Variants in SHANK2 observed in about 807,000 individuals in gnomAD.
SHANK2 encodes the protein SH3 and multiple ankyrin repeat domains 2.
A neutral mutation model predicts 133.7 loss-of-function variants in SHANK2; 43 were observed. That is an observed-to-expected ratio of 0.32 (90% CI 0.25 to 0.41). SHANK2 has a LOEUF of 0.41. Ranked by LOEUF, SHANK2 falls within the 10% of genes least tolerant of loss-of-function variation. The pLI is 1.00. For missense variants in SHANK2, 1,994 were observed against 2,235.8 expected, an observed-to-expected ratio of 0.89 and a Z score of 2.18; for synonymous variants, 1,017 against 952.8, an observed-to-expected ratio of 1.07 and a Z score of -1.24.
At chr11:70,489,970 A>ACACC in intron 23 of SHANK2, 1 of 194,848 alleles carries the variant, frequency 5.1e-6, no homozygotes, top group Non-Finnish European at 1.1e-5. Flanking sequence ...GGCTCGCACC[A>ACACC]CCCCGCCCAC....
chr11:70,818,475 G>T (rs1555054981), intron 12 of SHANK2, among the ~76,000 whole-genome samples: 1 of 152,146 alleles, frequency 6.6e-6, no homozygotes, highest in Non-Finnish European at 1.5e-5. Flanking sequence ...TCAAGTCCCT[G>T]GCCACGCTGC....
intron 3 of SHANK2, among the ~76,000 whole-genome samples, chr11:71,129,842 G>A (rs1307564454): frequency 1.3e-5 from 2 of 152,172 alleles, no homozygotes; most frequent in Non-Finnish European, 2.9e-5. Flanking sequence ...TGAGTCACTC[G>A]GGCTGCTGTG....
intron 3 of SHANK2, among the ~76,000 whole-genome samples, chr11:71,130,938 A>G (rs1952290292): frequency 6.6e-6 from 1 of 152,234 alleles, no homozygotes; most frequent in Non-Finnish European, 1.5e-5. Flanking sequence ...CACGTCATTC[A>G]TTACAAAGAA....
chr11:70,929,177 G>A (rs1950468766), intron 10 of SHANK2, among the ~76,000 whole-genome samples: 1 of 152,224 alleles, frequency 6.6e-6, no homozygotes, highest in South Asian at 2.1e-4. Context: ...GTATCATAAG[G>A]AAGCCTCTGC....
intron 17 of SHANK2, 116 bp downstream of exon 17, chr11:70,659,712 A>G: frequency 7.8e-7 from 1 of 1,276,882 alleles, no homozygotes; most frequent in South Asian, 1.3e-5. Context: ...AGTTCATGGC[A>G]GCCTCCACAA....
intron 3 of SHANK2, among the ~76,000 whole-genome samples, chr11:71,133,432 G>GGAGC (rs1340783991): frequency 1.4e-5 from 2 of 139,564 alleles, no homozygotes; most frequent in African/African-American, 2.9e-5. Context: ...ATGGAGGGAG[G>GGAGC]GAGGGAGGGA....
At chr11:70,544,206 GGA>G (rs1160365343) in intron 17 of SHANK2, among the ~76,000 whole-genome samples, 75 of 152,272 alleles carry the variant, frequency 4.9e-4, no homozygotes, top group African/African-American at 1.6e-3. Flanking sequence ...TCCACATGCA[GGA>G]GAGAGTCCTG....
chr11:71,195,268 T>C (rs1382582276), intron 2 of SHANK2, among the ~76,000 whole-genome samples: 1 of 152,050 alleles, frequency 6.6e-6, no homozygotes, highest in Non-Finnish European at 1.5e-5. Context: ...GGCGGGCGCC[T>C]GTAGTCCCAG....
At chr11:70,611,212 C>T (rs781789977) in intron 17 of SHANK2, among the ~76,000 whole-genome samples, 2 of 152,212 alleles carry the variant, frequency 1.3e-5, no homozygotes, top group African/African-American at 2.4e-5. Flanking sequence ...GAGGCTGGTG[C>T]TAAAACTGCA....
intron 14 of SHANK2, among the ~76,000 whole-genome samples, chr11:70,706,364 G>A (rs1331290070): frequency 3.3e-5 from 5 of 152,154 alleles, no homozygotes; most frequent in African/African-American, 1.2e-4. Context: ...TGGACCCTTT[G>A]CTCATATTCC....
chr11:70,878,594 C>T lies in SHANK2; in HGVS notation c.1174+17907G>A, dbSNP rs531203124. Among the ~76,000 whole-genome samples, 59 of 152,328 alleles carry T rather than the reference C, an allele frequency of 3.9e-4. 1 individual carries two copies. Among genetic ancestry groups the T allele is most frequent in the African/African-American group, 1.3e-3 (54 of 41,574 alleles). ...GGTCTTGCCCAACTCAGGGCACCAC[C>T]ATGACGGCCTTCCTCGGGGGTGGTC... On this transcript the variant is annotated intron_variant, in intron 11 of 25. Transcript: ENST00000601538.
At chr11:70,743,096 C>T (rs1335843648) in intron 14 of SHANK2, among the ~76,000 whole-genome samples, 2 of 152,144 alleles carry the variant, frequency 1.3e-5, no homozygotes, top group African/African-American at 4.8e-5. Context: ...CGTGCATCTG[C>T]CGGTGCTGAG....
intron 15 of SHANK2, among the ~76,000 whole-genome samples, chr11:70,695,966 T>A (rs577757848): frequency 1.3e-5 from 2 of 152,112 alleles, no homozygotes. Context: ...TTGACCCCAG[T>A]GTGGTCTGCA....
At chr11:71,229,765 G>GAAAAAAAAAAAAAA (rs55730780) in intron 1 of SHANK2, among the ~76,000 whole-genome samples, 33 of 116,524 alleles carry the variant, frequency 2.8e-4, no homozygotes, top group East Asian at 7.3e-4. Context: ...TCTCAAAAAA[G>GAAAAAAAAAAAAAA]AAAAAAAAAA....
intron 11 of SHANK2, among the ~76,000 whole-genome samples, chr11:70,885,900 C>T (rs1410676480): frequency 1.3e-5 from 2 of 152,212 alleles, no homozygotes; most frequent in Non-Finnish European, 2.9e-5. Flanking sequence ...CGCCAGTCAA[C>T]TCCGCTTTAC....
intron 10 of SHANK2, among the ~76,000 whole-genome samples, chr11:70,921,603 AG>A (rs1392268683): frequency 6.6e-6 from 1 of 152,240 alleles, no homozygotes; most frequent in African/African-American, 2.4e-5. Flanking sequence ...TAAGAAATGG[AG>A]GGCAGGGCCC....
chr11:70,813,974 G>A (rs2135307431), intron 12 of SHANK2, among the ~76,000 whole-genome samples: 1 of 152,154 alleles, frequency 6.6e-6, no homozygotes, highest in East Asian at 1.9e-4. Context: ...ACGGACACAG[G>A]ACACCGGCTA....
intron 10 of SHANK2, among the ~76,000 whole-genome samples, chr11:70,948,730 C>G (rs780139641): frequency 6.6e-6 from 1 of 152,216 alleles, no homozygotes; most frequent in South Asian, 2.1e-4. Flanking sequence ...AGGGGCCACG[C>G]TCCCAACCCC....
chr11:70,924,750 C>A (rs2135775795), intron 10 of SHANK2, among the ~76,000 whole-genome samples: 1 of 152,214 alleles, frequency 6.6e-6, no homozygotes, highest in East Asian at 1.9e-4. Context: ...AGCCACCGTA[C>A]CCAGCCCCTT....
Sources: allele counts gnomAD v4.1 joint callset (sites outside exome capture counted in the v4.1 genomes callset), GRCh38; gene constraint gnomAD v4.1.1; transcripts MANE v1.5; gene names NCBI Gene and HGNC (gene_info 2026-07-23, HGNC 2026-07-21).